Variants in CTNNA2 observed in about 807,000 individuals in gnomAD.
CTNNA2 encodes catenin alpha 2.
CTNNA2 carries 42 observed loss-of-function variants against 101.0 expected under a neutral mutation model. The ratio of observed to expected loss-of-function variants is 0.42; its 90% CI spans 0.32 to 0.54. The LOEUF is 0.54. Ranked by LOEUF, CTNNA2 falls within the 20% of genes least tolerant of loss-of-function variation. The probability of loss-of-function intolerance (pLI) is 0.14; values close to 1 mark genes in which losing one functional copy is unlikely to be tolerated. For synonymous variants in CTNNA2, 450 were observed against 456.4 expected (o/e 0.99, Z 0.18); for missense variants, 871 against 1,223.1 (o/e 0.71, Z 4.29).
chr2:80,612,155 T>A (rs1405286642), intron 17 of CTNNA2, among the ~76,000 whole-genome samples: 3 of 151,490 alleles, frequency 2.0e-5, no homozygotes, highest in Non-Finnish European at 4.4e-5. Context: ...TCAATTGGGT[T>A]TAGGGGAGAG....
At chr2:80,412,244 G>C (rs1679650617) in intron 8 of CTNNA2, among the ~76,000 whole-genome samples, 3 of 152,196 alleles carry the variant, frequency 2.0e-5, no homozygotes, top group Non-Finnish European at 1.5e-5. Flanking sequence ...GCGTGCTGGG[G>C]CAGAAAATGA....
intron 9 of CTNNA2, among the ~76,000 whole-genome samples, chr2:80,513,072 C>T (rs1441761671): frequency 6.6e-6 from 1 of 152,316 alleles, no homozygotes; most frequent in African/African-American, 2.4e-5. Context: ...CCCACAAGTG[C>T]TCCTCTCTTG....
intron 3 of CTNNA2, among the ~76,000 whole-genome samples, chr2:79,777,893 T>TTTG (rs953200449): frequency 4.1e-5 from 3 of 72,310 alleles, no homozygotes; most frequent in African/African-American, 1.4e-4. Flanking sequence ...TTGCATGGGG[T>TTTG]TTTTTTTTTT....
chr2:80,300,201 G>A (rs1446177424), intron 7 of CTNNA2, among the ~76,000 whole-genome samples: 1 of 151,874 alleles, frequency 6.6e-6, no homozygotes, highest in African/African-American at 2.4e-5. Context: ...TGTGCATGAT[G>A]TGTGTCATAA....
intron 7 of CTNNA2, among the ~76,000 whole-genome samples, chr2:80,281,894 G>A (rs929631809): frequency 1.3e-5 from 2 of 151,550 alleles, no homozygotes; most frequent in Non-Finnish European, 2.9e-5. Flanking sequence ...CATTTGAATG[G>A]AATAAAAAGA....
At chr2:79,530,277 T>A (rs1372247189) in intron 1 of CTNNA2, among the ~76,000 whole-genome samples, 1 of 152,158 alleles carries the variant, frequency 6.6e-6, no homozygotes, top group Admixed American at 6.6e-5. Flanking sequence ...AAATATGTTT[T>A]CAGTAAAACA....
At chr2:79,287,120 C>T (rs1383631300) in intron 2 of CTNNA2, among the ~76,000 whole-genome samples, 2 of 152,162 alleles carry the variant, frequency 1.3e-5, no homozygotes, top group African/African-American at 2.4e-5. Flanking sequence ...CTCCTTTAAG[C>T]ACTTCTCTGT....
At chr2:79,902,629 CTTT>C (rs111234732) in intron 6 of CTNNA2, among the ~76,000 whole-genome samples, 7 of 142,288 alleles carry the variant, frequency 4.9e-5, no homozygotes, top group Non-Finnish European at 6.2e-5. Context: ...TCTTCCTCTT[CTTT>C]TTTTTTTTTT....
intron 9 of CTNNA2, among the ~76,000 whole-genome samples, chr2:80,535,289 TC>T (rs1362235336): frequency 6.6e-6 from 1 of 152,166 alleles, no homozygotes; most frequent in African/African-American, 2.4e-5. Flanking sequence ...TCCATGTCTG[TC>T]ATATATAGGC....
At chr2:80,128,868 G>C (rs1702267992) in intron 7 of CTNNA2, among the ~76,000 whole-genome samples, 1 of 152,152 alleles carries the variant, frequency 6.6e-6, no homozygotes, top group Non-Finnish European at 1.5e-5. Flanking sequence ...ATGTCTTAAA[G>C]TCCATTCACA....
intron 2 of CTNNA2, among the ~76,000 whole-genome samples, chr2:79,730,627 T>G (rs1687138247): frequency 6.6e-6 from 1 of 152,078 alleles, no homozygotes; most frequent in African/African-American, 2.4e-5. Flanking sequence ...TTGAGCTTAT[T>G]AAGAATCTAA....
intron 9 of CTNNA2, among the ~76,000 whole-genome samples, chr2:80,535,956 C>T (rs1274207593): frequency 6.6e-6 from 1 of 152,154 alleles, no homozygotes; most frequent in Non-Finnish European, 1.5e-5. Context: ...TGATGGTGGC[C>T]ATTTAGCCTA....
At chr2:80,264,141 G>A (rs750271004) in intron 7 of CTNNA2, among the ~76,000 whole-genome samples, 14 of 152,200 alleles carry the variant, frequency 9.2e-5, no homozygotes, top group Non-Finnish European at 2.1e-4. Context: ...GTGAAAGATT[G>A]CTTGCTTAAT....
chr2:79,534,504 T>C (rs1672935870), intron 1 of CTNNA2, among the ~76,000 whole-genome samples: 1 of 151,668 alleles, frequency 6.6e-6, no homozygotes, highest in Non-Finnish European at 1.5e-5. Context: ...TTCAATTTAA[T>C]TATCTTAAAA....
At chr2:80,581,909 T>C in intron 14 of CTNNA2, 90 bp downstream of exon 14, 2 of 728,982 alleles carry the variant, frequency 2.7e-6, no homozygotes, top group South Asian at 3.1e-5. Flanking sequence ...AGACACGTGG[T>C]ACCCCAGAGA....
intron 7 of CTNNA2, among the ~76,000 whole-genome samples, chr2:80,358,223 A>G (rs1299021130): frequency 6.6e-6 from 1 of 152,202 alleles, no homozygotes; most frequent in Non-Finnish European, 1.5e-5. Context: ...GTAAGCCTTC[A>G]ATAGTCATTA....
At chr2:80,597,313 C>G (rs529727963) in intron 15 of CTNNA2, among the ~76,000 whole-genome samples, 153 of 152,126 alleles carry the variant, frequency 1.0e-3, no homozygotes, top group African/African-American at 3.4e-3. Context: ...ATTAACTCAA[C>G]GTGGACTAAA....
intron 7 of CTNNA2, among the ~76,000 whole-genome samples, chr2:80,052,630 T>A (rs1696948378): frequency 6.6e-6 from 1 of 152,218 alleles, no homozygotes. Flanking sequence ...AAAACTTAAG[T>A]GTATATTTTT....
chr2:80,493,409 A>G (rs985468730), intron 9 of CTNNA2, among the ~76,000 whole-genome samples: 3 of 152,164 alleles, frequency 2.0e-5, no homozygotes, highest in Non-Finnish European at 4.4e-5. Context: ...TGGAGAATAG[A>G]AGTTGGTGAT....
Sources: gnomAD v4.1 joint callset for allele counts (sites outside exome capture counted in the v4.1 genomes callset) on GRCh38, gnomAD v4.1.1 for gene constraint, MANE v1.5 for transcripts, NCBI Gene and HGNC (gene_info 2026-07-23, HGNC 2026-07-21) for gene names.